The following TRDN variants were observed in gnomAD, a reference collection of about 807,000 sequenced individuals.
TRDN encodes the protein triadin in skeletal muscle.
Under a neutral mutation model 149.7 loss-of-function variants are expected in TRDN, and 161 were observed. The ratio of observed to expected loss-of-function variants is 1.08; its 90% confidence interval spans 0.95 to 1.23. The LOEUF (loss-of-function observed/expected upper bound fraction) is 1.23. Ranked by LOEUF, TRDN falls within the 50% of genes most tolerant of loss-of-function variation. TRDN has a pLI of 0.00. For missense variants in TRDN, 896 were observed against 823.5 expected, an observed-to-expected ratio of 1.09 and a Z score of -1.08; for synonymous variants, 294 against 250.5, an observed-to-expected ratio of 1.17 and a Z score of -1.64.
chr6:123,584,423 G>A (rs9482407), intron 1 of TRDN, among the ~76,000 whole-genome samples: 12,576 of 152,034 alleles, frequency 0.083, 561 homozygotes, highest in African/African-American at 0.13. Context: ...AGGTCAAGTT[G>A]TTTGGACAGA....
chr6:123,298,719 G>A (rs1311719755), intron 24 of TRDN, among the ~76,000 whole-genome samples: 1 of 151,990 alleles, frequency 6.6e-6, no homozygotes, highest in Admixed American at 6.6e-5. Flanking sequence ...ATACACTTCT[G>A]CTAACAATTC....
intron 24 of TRDN, among the ~76,000 whole-genome samples, chr6:123,287,738 A>G (rs1421031193): frequency 6.6e-6 from 1 of 152,148 alleles, no homozygotes; most frequent in Non-Finnish European, 1.5e-5. Flanking sequence ...ATTGAGGTCT[A>G]TAAAATATAT....
chr6:123,529,962 T>G (rs1386775483), intron 5 of TRDN, among the ~76,000 whole-genome samples: 2 of 152,090 alleles, frequency 1.3e-5, no homozygotes, highest in African/African-American at 4.8e-5. Context: ...TGCTGCAAGA[T>G]TGCCATTACT....
intron 24 of TRDN, among the ~76,000 whole-genome samples, chr6:123,303,883 T>C (rs1327100767): frequency 6.6e-6 from 1 of 152,162 alleles, no homozygotes; most frequent in Admixed American, 6.5e-5. Context: ...AATGATTTTG[T>C]ATATTTATTC....
At chr6:123,499,480 G>C (rs1778585381) in intron 8 of TRDN, among the ~76,000 whole-genome samples, 1 of 151,034 alleles carries the variant, frequency 6.6e-6, no homozygotes, top group Admixed American at 6.6e-5. Flanking sequence ...GAGGCGGGAG[G>C]ATCATTTGAG....
chr6:123,613,240 C>T lies in TRDN; in HGVS notation c.22+23514G>A, dbSNP rs148710523. Among the ~76,000 whole-genome samples, 598 of 152,294 alleles carry T rather than the reference C, an allele frequency of 3.9e-3. 3 individuals carry two copies. The highest frequency in any genetic ancestry group is 0.015 in the South Asian group (70 of 4,826). ...TTGGGAATGGTCAGCTAATGCCAAACTTTCCATGAGCAAAATCCCAACTTA... is the reference window on the plus strand; with the variant it reads ...TTGGGAATGGTCAGCTAATGCCAAATTTTCCATGAGCAAAATCCCAACTTA... On this transcript the variant is annotated intron_variant, in intron 1 of 40. Transcript: ENST00000334268.
intron 8 of TRDN, chr6:123,502,270 T>A (rs1383596051): frequency 1.1e-6 from 1 of 930,052 alleles, no homozygotes; most frequent in Non-Finnish European, 1.3e-6. Context: ...ACTTACTTCA[T>A]CCTTTTTGTC....
chr6:123,531,771 T>A (rs1780265214), intron 4 of TRDN, among the ~76,000 whole-genome samples: 1 of 152,060 alleles, frequency 6.6e-6, no homozygotes, highest in East Asian at 1.9e-4. Flanking sequence ...CACCATTTTG[T>A]TTATTTCTTC....
chr6:123,218,660 G>A lies in TRDN; in HGVS notation c.2131C>T (p.Arg711Cys), dbSNP rs373408498. Residue 711 changes from arginine (R) to cysteine (C), a missense_variant, in exon 41 of 41, where the codon CGC (arginine) becomes TGC (cysteine). By Grantham distance (180) the Arg-to-Cys change is radical (BLOSUM62 -3). Coordinates refer to ENST00000334268, the MANE Select transcript of TRDN (RefSeq NM_006073.4). ...GFQFPFTPAD[R>C]PGESSGQANS... Reference sequence around the variant, plus strand: ...GCTTGACCAGAGCTCTCTCCAGGGCGGTCTGCAGGAGTGAAAGGAAACTGA... The same window carrying A: ...GCTTGACCAGAGCTCTCTCCAGGGCAGTCTGCAGGAGTGAAAGGAAACTGA... The A allele has an allele frequency of 4.7e-5, 76 of 1,610,138 alleles. No individual in the cohort carries two copies. The highest frequency in any genetic ancestry group is 5.9e-5 in the Non-Finnish European group (69 of 1,177,908).
intron 27 of TRDN, among the ~76,000 whole-genome samples, chr6:123,274,261 T>C (rs1029610080): frequency 2.0e-5 from 3 of 152,226 alleles, no homozygotes; most frequent in Admixed American, 1.3e-4. Context: ...AGTCTATAAC[T>C]TTATGATTTT....
intron 1 of TRDN, among the ~76,000 whole-genome samples, chr6:123,610,504 G>T (rs1784749933): frequency 1.3e-5 from 2 of 152,090 alleles, no homozygotes; most frequent in Admixed American, 6.6e-5. Context: ...GGGTACAAAA[G>T]GTAAGCAATT....
At chr6:123,554,566 A>G (rs1331414403) in intron 2 of TRDN, among the ~76,000 whole-genome samples, 1 of 152,134 alleles carries the variant, frequency 6.6e-6, no homozygotes, top group Non-Finnish European at 1.5e-5. Flanking sequence ...GTGTCATTTA[A>G]TATGCCCTGA....
At chr6:123,614,320 A>AAAAAAAAAAAAAT in intron 1 of TRDN, among the ~76,000 whole-genome samples, 1 of 150,384 alleles carries the variant, frequency 6.6e-6, no homozygotes, top group African/African-American at 2.4e-5. Flanking sequence ...AAAAACAAAA[A>AAAAAAAAAAAAAT]AAACCCTCAA....
chr6:123,349,555 A>G, intron 21 of TRDN: 1 of 887,088 alleles, frequency 1.1e-6, no homozygotes, highest in Middle Eastern at 5.9e-4. Flanking sequence ...TATTTTAAAA[A>G]TACATATTAA....
At chr6:123,377,791 T>C (rs1171600151) in intron 17 of TRDN, 49 bp from the exon 18 acceptor site, 1 of 1,610,502 alleles carries the variant, frequency 6.2e-7, no homozygotes, top group Admixed American at 1.7e-5. Flanking sequence ...TGTCATTCAA[T>C]TGTAATTCAG....
At chr6:123,249,134 T>C (rs1040533183) in intron 38 of TRDN, among the ~76,000 whole-genome samples, 1 of 151,878 alleles carries the variant, frequency 6.6e-6, no homozygotes, top group African/African-American at 2.4e-5. Flanking sequence ...AGTGGGCAAA[T>C]GAACAGACAT....
chr6:123,346,945 A>C (rs1780273995), intron 21 of TRDN, among the ~76,000 whole-genome samples: 2 of 150,896 alleles, frequency 1.3e-5, no homozygotes, highest in African/African-American at 4.9e-5. Flanking sequence ...TCAAAAACTG[A>C]TAAAATTTGG....
intron 9 of TRDN, 147 bp from the exon 10 acceptor site, chr6:123,465,130 A>C: frequency 1.1e-6 from 1 of 892,604 alleles, no homozygotes; most frequent in Non-Finnish European, 1.6e-6. Flanking sequence ...AAAGAAAGCT[A>C]TTATTAAGGG....
intron 12 of TRDN, among the ~76,000 whole-genome samples, chr6:123,433,399 G>T (rs1334690734): frequency 1.3e-5 from 2 of 151,784 alleles, no homozygotes; most frequent in Non-Finnish European, 2.9e-5. Flanking sequence ...TATTCACTGT[G>T]TGCCTCCCTT....
Sources: gnomAD v4.1 joint callset for allele counts (sites outside exome capture counted in the v4.1 genomes callset) on GRCh38, gnomAD v4.1.1 for gene constraint, MANE v1.5 for transcripts, NCBI Gene and HGNC (gene_info 2026-07-23, HGNC 2026-07-21) for gene names.